PHACTR2: variants seen among roughly 807,000 people sequenced by gnomAD.
PHACTR2 encodes chromosome 6 open reading frame 56.
Under a neutral mutation model 76.0 loss-of-function variants are expected in PHACTR2, and 30 were observed. The ratio of observed to expected loss-of-function variants is 0.39; its 90% CI spans 0.30 to 0.54. The LOEUF (loss-of-function observed/expected upper bound fraction) is 0.54, where lower values mean the gene tolerates loss of function less well. PHACTR2 is among the 20% of genes least tolerant of loss of function. The probability of loss-of-function intolerance (pLI) is 0.61; values close to 1 mark genes in which losing one functional copy is unlikely to be tolerated. For missense variants in PHACTR2, 696 were observed against 781.1 expected (o/e 0.89, Z 1.30); for synonymous variants, 292 against 292.5 (o/e 1.00, Z 0.02).
rs967195639 is a variant in PHACTR2 at position 143,742,546 on chromosome 6, G to A, written c.215-6439G>A. On this transcript the variant is annotated intron_variant, in intron 2 of 12. Transcript: ENST00000440869. The surrounding 1 kb of genome is among the most constrained non-coding windows in gnomAD (Gnocchi z 4.5). ...CTCTGAACCAGTCACCAGTGCCAGG[G>A]AGAAACTGGGCTCTGATTGGATAAG... 2.0e-5 allele frequency among the ~76,000 whole-genome samples: 3 copies of A among 152,190 alleles called. No individual in the cohort carries two copies. The highest frequency in any genetic ancestry group is 2.1e-4 in the South Asian group (1 of 4,832).
rs1297968244 is a variant in PHACTR2 at position 143,739,826 on chromosome 6, T to C, written c.215-9159T>C. Reference sequence around the variant, plus strand: ...CATTCCCTTCTGCTGTTTGCGCAGGTCTAAGACAATCACCTCTTCCCTCCT... The same window carrying C: ...CATTCCCTTCTGCTGTTTGCGCAGGCCTAAGACAATCACCTCTTCCCTCCT... On this transcript the variant is annotated intron_variant, in intron 2 of 12. Transcript: ENST00000440869. This position sits in a 1 kb window ranked among gnomAD's most constrained non-coding sequence, Gnocchi z 4.3. Among the ~76,000 whole-genome samples, 1 of 152,126 alleles carries C rather than the reference T, an allele frequency of 6.6e-6. No homozygotes were observed. Among genetic ancestry groups the C allele is most frequent in the Non-Finnish European group, 1.5e-5 (1 of 68,018 alleles).
intron 1 of PHACTR2, among the ~76,000 whole-genome samples, chr6:143,576,306 C>T (rs1440728570): frequency 2.0e-5 from 3 of 152,294 alleles, no homozygotes; most frequent in Admixed American, 6.5e-5. Flanking sequence ...TCTCTTCTCA[C>T]GCATTTTCTA....
chr6:143,623,007 A>G lies in PHACTR2; in HGVS notation c.13+14685A>G, dbSNP rs1391353597. Among the ~76,000 whole-genome samples the G allele has an allele frequency of 6.6e-6, 1 of 152,198 alleles. No homozygotes were observed. Among genetic ancestry groups the G allele is most frequent in the East Asian group, 1.9e-4 (1 of 5,190 alleles). ...CCTAAAGAAGGCTCAGTCTAGTGAC[A>G]TTGTTTATCCATTTGCTTTGAACTT... On this transcript the variant is annotated intron_variant, in intron 1 of 11. Coordinates refer to the PHACTR2 transcript ENST00000305766. The surrounding 1 kb of genome is among the most constrained non-coding windows in gnomAD (Gnocchi z 5.9).
intron 1 of PHACTR2, among the ~76,000 whole-genome samples, chr6:143,542,532 G>T (rs1306054808): frequency 6.6e-6 from 1 of 152,164 alleles, no homozygotes; most frequent in Non-Finnish European, 1.5e-5. Flanking sequence ...GGCTGGCATG[G>T]TTTCAGCAGG....
Position 143,680,147 on chromosome 6 carries a change from CA to C in PHACTR2, c.46+1951del, listed in dbSNP as rs531003832. On this transcript the variant is annotated intron_variant, in intron 1 of 12. Transcript: ENST00000440869. This position sits in a 1 kb window ranked among gnomAD's most constrained non-coding sequence, Gnocchi z 4.5. ...TTGCCATCAGATTCCAAATGAAAAC[CA>C]AAAAAAAAAAAATTTAAATTAAATA... 0.048 allele frequency among the ~76,000 whole-genome samples: 6,593 copies of C among 138,312 alleles called. 403 individuals carry two copies. The highest frequency in any genetic ancestry group is 0.15 in the African/African-American group (5,833 of 38,444). 90.7% of individuals were successfully genotyped at this position (138,312 alleles called of 152,430 possible).
chr6:143,790,519 G>T (rs1775657629), intron 11 of PHACTR2, among the ~76,000 whole-genome samples: 1 of 152,132 alleles, frequency 6.6e-6, no homozygotes, highest in East Asian at 1.9e-4. Context: ...TTATGAATGA[G>T]ATTGAACATA....
Position 143,549,093 on chromosome 6 carries a change from A to G in PHACTR2, c.217+11886A>G, listed in dbSNP as rs1775049124. On this transcript the variant is annotated intron_variant, in intron 1 of 11. Transcript: ENST00000367584. The surrounding 1 kb of genome is among the most constrained non-coding windows in gnomAD (Gnocchi z 4.2). Reference sequence around the variant, plus strand: ...TGACATGGTGCCTGATCTCCTCCCCAGCGAACATGCCAGTCTGTAGGGTGC... The same window carrying G: ...TGACATGGTGCCTGATCTCCTCCCCGGCGAACATGCCAGTCTGTAGGGTGC... 6.6e-6 allele frequency among the ~76,000 whole-genome samples: 1 copy of G among 152,036 alleles called. No homozygotes were observed. The highest frequency in any genetic ancestry group is 2.4e-5 in the African/African-American group (1 of 41,506).
rs1777005796 is a variant in PHACTR2 at position 143,664,800 on chromosome 6, T to TTTA, written c.14-47204_14-47202dup. 2.0e-5 allele frequency among the ~76,000 whole-genome samples: 3 copies of TTTA among 152,148 alleles called. No individual in the cohort carries two copies. The highest frequency in any genetic ancestry group is 7.2e-5 in the African/African-American group (3 of 41,508). On this transcript the variant is annotated intron_variant, in intron 1 of 11. Coordinates refer to the PHACTR2 transcript ENST00000305766. The surrounding 1 kb of genome is among the most constrained non-coding windows in gnomAD (Gnocchi z 5.1). Reference sequence around the variant, plus strand: ...TTTTCTTTCTTTATTTTTATTTTATTTTATTATTATTATTTTGAGACACTG... The same window carrying TTTA: ...TTTTCTTTCTTTATTTTTATTTTATTTTATTATTATTATTATTTTGAGACACTG...
rs758361630 is a variant in PHACTR2 at position 143,617,086 on chromosome 6, G to C, written c.13+8764G>C. Among the ~76,000 whole-genome samples, 1 of 152,202 alleles carries C rather than the reference G, an allele frequency of 6.6e-6. No homozygotes were observed. The highest frequency in any genetic ancestry group is 1.5e-5 in the Non-Finnish European group (1 of 68,036). ...GGAAGAATGGACTGGAAAGAAGTAA[G>C]AGTGGAAGCTCCTAAGAATGAAATC... On this transcript the variant is annotated intron_variant, in intron 1 of 11. Transcript: ENST00000305766. The surrounding 1 kb of genome is among the most constrained non-coding windows in gnomAD (Gnocchi z 4.8).
chr6:143,747,481 AAATGTCTTCTTAGTGTTATCACC>A (rs1251276307), intron 2 of PHACTR2, among the ~76,000 whole-genome samples: 1 of 152,196 alleles, frequency 6.6e-6, no homozygotes, highest in Admixed American at 6.5e-5. Flanking sequence ...GTGTTATCAC[AAATGTCTTCTTAGTGTTATCACC>A]TGCTCCCTTT....
rs1302527774 is a variant in PHACTR2 at position 143,627,854 on chromosome 6, G to A, written c.13+19532G>A. 1.3e-5 allele frequency among the ~76,000 whole-genome samples: 2 copies of A among 151,792 alleles called. No individual in the cohort carries two copies. Among genetic ancestry groups the A allele is most frequent in the African/African-American group, 4.8e-5 (2 of 41,330 alleles). ...CTGACCTTGTGATCCGCCCACCTCG[G>A]CCTCCCAAAGTACAACCACCACTTC... On this transcript the variant is annotated intron_variant, in intron 1 of 11. Transcript: ENST00000305766. This position sits in a 1 kb window ranked among gnomAD's most constrained non-coding sequence, Gnocchi z 4.3.
rs1776218343 is a variant in PHACTR2, at chr6:143,624,445, G to A, written c.13+16123G>A. Among the ~76,000 whole-genome samples the A allele has an allele frequency of 6.6e-6, 1 of 152,146 alleles. No homozygotes were observed. The highest frequency in any genetic ancestry group is 2.4e-5 in the African/African-American group (1 of 41,428). Reference sequence around the variant, plus strand: ...TTCTTATGACCAAGACGCAGTCATAGTTACTAATTCATATTCACACAATAT... The same window carrying A: ...TTCTTATGACCAAGACGCAGTCATAATTACTAATTCATATTCACACAATAT... On this transcript the variant is annotated intron_variant, in intron 1 of 11. Coordinates refer to the PHACTR2 transcript ENST00000305766. The surrounding 1 kb of genome is among the most constrained non-coding windows in gnomAD (Gnocchi z 4.6).
In PHACTR2 at chr6:143,756,633, A is replaced by G. The variant is rs1266123662; in HGVS notation, c.454+2721A>G. Among the ~76,000 whole-genome samples the G allele has an allele frequency of 3.3e-5, 5 of 149,930 alleles. No individual in the cohort carries two copies. In the East Asian group the frequency reaches 5.9e-4, roughly 18 times the overall value. On this transcript the variant is annotated intron_variant, in intron 4 of 12. Transcript: ENST00000440869. ...AGAATGGCGTGAACCCGGGAGGCGG[A>G]GCTTGCAGTGAGCCGAGATCGCACC...
rs191123042 is a variant in PHACTR2, at chr6:143,695,852, G to A, written c.47-16164G>A. On this transcript the variant is annotated intron_variant, in intron 1 of 12. Coordinates refer to ENST00000440869, the MANE Select transcript of PHACTR2 (RefSeq NM_001100164.2). The surrounding 1 kb of genome is among the most constrained non-coding windows in gnomAD (Gnocchi z 4.4). ...ACAACAGTAAAATGCAACTTCCTGT[G>A]TTTAGCAGCCGTAGCAACACATCTT... Among the ~76,000 whole-genome samples the A allele has an allele frequency of 6.6e-6, 1 of 152,294 alleles. No individual in the cohort carries two copies. The highest frequency in any genetic ancestry group is 2.4e-5 in the African/African-American group (1 of 41,562).
intron 2 of PHACTR2, among the ~76,000 whole-genome samples, chr6:143,734,377 G>A (rs192978534): frequency 5.5e-4 from 83 of 152,232 alleles, no homozygotes; most frequent in Non-Finnish European, 1.0e-3. Flanking sequence ...GGAAAAAGTG[G>A]GATATTGTGT....
rs940637294 is a variant in PHACTR2, at chr6:143,765,995, T to A, written c.1232+197T>A. On this transcript the variant is annotated intron_variant, in intron 6 of 12. Transcript: ENST00000440869. This position sits in a 1 kb window ranked among gnomAD's most constrained non-coding sequence, Gnocchi z 4.1. ...CTAGGGCTGCTGGAGAAAATTACATTGGTAGAGCTGACAAATACCACTTGA... is the reference window on the plus strand; with the variant it reads ...CTAGGGCTGCTGGAGAAAATTACATAGGTAGAGCTGACAAATACCACTTGA... Among the ~76,000 whole-genome samples the A allele has an allele frequency of 2.0e-5, 3 of 152,236 alleles. No homozygotes were observed. The highest frequency in any genetic ancestry group is 4.4e-5 in the Non-Finnish European group (3 of 68,040).
intron 4 of PHACTR2, among the ~76,000 whole-genome samples, chr6:143,758,799 C>T (rs544887896): frequency 3.3e-5 from 5 of 152,030 alleles, no homozygotes; most frequent in African/African-American, 9.7e-5. Context: ...AAAAGTAAAG[C>T]TTTATTGATT....
chr6:143,774,272 A>T lies in PHACTR2; in HGVS notation c.1589+57A>T. 1.4e-6 allele frequency: 2 copies of T among 1,413,184 alleles called. No homozygotes were observed. Among genetic ancestry groups the T allele is most frequent in the South Asian group, 2.4e-5 (2 of 82,402 alleles). 87.5% of individuals were successfully genotyped at this position (1,413,184 alleles called of 1,614,324 possible). A position where few individuals can be genotyped will look rare whatever the true frequency, so the allele number is the denominator to read the frequency against. On this transcript the variant is annotated intron_variant, in intron 8 of 12. Coordinates refer to ENST00000440869, the MANE Select transcript of PHACTR2 (RefSeq NM_001100164.2). The surrounding 1 kb of genome is among the most constrained non-coding windows in gnomAD (Gnocchi z 5.4). ...TAATTTGTATTTTTCTCCCTCCCAA[A>T]GCTTCCTACCTAACTGGGGTCATTG...
At chr6:143,805,540 C>T (rs547809307) in intron 11 of PHACTR2, among the ~76,000 whole-genome samples, 43 of 150,572 alleles carry the variant, frequency 2.9e-4, no homozygotes, top group African/African-American at 9.8e-4. Flanking sequence ...TGTTAATTGG[C>T]GAGTGGTATA....
Sources: gnomAD v4.1 joint callset for allele counts (sites outside exome capture counted in the v4.1 genomes callset) on GRCh38, gnomAD v4.1.1 for gene constraint, Gnocchi (gnomAD v3.1) non-coding constraint, MANE v1.5 for transcripts, NCBI Gene and HGNC (gene_info 2026-07-23, HGNC 2026-07-21) for gene names.